GRAMD4: variants seen among roughly 807,000 people sequenced by gnomAD.
The protein encoded by GRAMD4 is GRAM domain-containing protein 4.
In GRAMD4, 25 loss-of-function variants were observed where a neutral mutation model predicts 83.9. The observed-to-expected ratio is 0.30, with a 90% confidence interval of 0.22 to 0.42. GRAMD4 has a LOEUF of 0.42. Among genes scored for constraint, GRAMD4 ranks in the 10% least tolerant of loss-of-function variants. The probability of loss-of-function intolerance (pLI) is 1.00; values close to 1 mark genes in which losing one functional copy is unlikely to be tolerated. For missense variants in GRAMD4, 593 were observed against 788.7 expected, an observed-to-expected ratio of 0.75 and a Z score of 2.97; for synonymous variants, 336 against 320.9, an observed-to-expected ratio of 1.05 and a Z score of -0.50.
rs2081557314 is a variant in GRAMD4 at position 46,620,469 on chromosome 22, TGGTTCCTG to T, written c.-142_-135del. The T allele has an allele frequency of 1.0e-6, 1 of 984,796 alleles. No individual in the cohort carries two copies. The highest frequency in any genetic ancestry group is 6.2e-5 in the Admixed American group (1 of 16,220). The allele number at this position is 984,796 out of a possible 1,614,324, so 61.0% of individuals were successfully genotyped here. On this transcript the variant is annotated 5_prime_UTR_variant, in exon 1 of 19. It removes the in-frame stop codon of an upstream open reading frame in the 5' UTR. Coordinates refer to ENST00000406902, the MANE Select transcript of GRAMD4 (RefSeq NM_015124.5). The surrounding 1 kb of genome is among the most constrained non-coding windows in gnomAD (Gnocchi z 4.7). ...CTGGTGTTGGGCGGCTTGGAGGCTATGGTTCCTGGGTCCTCGTAGCACATCCTGGTTCT... is the reference window on the plus strand; with the variant it reads ...CTGGTGTTGGGCGGCTTGGAGGCTATGGTCCTCGTAGCACATCCTGGTTCT...
At chr22:46,647,002 G>A (rs560428061) in intron 3 of GRAMD4, among the ~76,000 whole-genome samples, 1 of 152,298 alleles carries the variant, frequency 6.6e-6, no homozygotes, top group South Asian at 2.1e-4. Flanking sequence ...AACAGCACAG[G>A]AGAGACCTGC....
At chr22:46,625,741 C>G (rs541481985) in intron 1 of GRAMD4, among the ~76,000 whole-genome samples, 2 of 152,352 alleles carry the variant, frequency 1.3e-5, no homozygotes, top group South Asian at 4.1e-4. Flanking sequence ...TGGCCTCTCC[C>G]TGCCTGGCTG....
At chr22:46,579,650 G>A (rs1027935297) in intron 1 of GRAMD4, among the ~76,000 whole-genome samples, 6 of 152,150 alleles carry the variant, frequency 3.9e-5, no homozygotes, top group Non-Finnish European at 2.9e-5. Context: ...TGTGCCATCC[G>A]TGTGCCCCCT....
At position 46,626,978 on chromosome 22, in the gene GRAMD4, G is replaced by A. The variant is rs1425441667; in HGVS notation, c.162+17G>A. ...AGGGACCCTGTGAGTACCTGTCCTC[G>A]TCCCCCGGTGTGGGCTGGGGTGTCG... On this transcript the variant is annotated intron_variant, in intron 2 of 18. Transcript: ENST00000406902. The A allele has an allele frequency of 1.1e-5, 18 of 1,583,076 alleles. No individual in the cohort carries two copies. The highest frequency in any genetic ancestry group is 1.7e-5 in the Admixed American group (1 of 59,896).
intron 1 of GRAMD4, among the ~76,000 whole-genome samples, chr22:46,623,938 C>T (rs777661274): frequency 6.6e-6 from 1 of 151,926 alleles, no homozygotes; most frequent in Non-Finnish European, 1.5e-5. Context: ...CACATCACCT[C>T]GCCCAGCTAA....
At chr22:46,610,959 A>G (rs1027322781) in intron 1 of GRAMD4, among the ~76,000 whole-genome samples, 1 of 152,198 alleles carries the variant, frequency 6.6e-6, no homozygotes, top group African/African-American at 2.4e-5. Flanking sequence ...TCATGCCTGT[A>G]ATCCCAGCAC....
chr22:46,585,337 C>T (rs5767275), intron 1 of GRAMD4, among the ~76,000 whole-genome samples: 49,176 of 151,856 alleles, frequency 0.32, 10,344 homozygotes, highest in East Asian at 0.89. Flanking sequence ...ACTACAGGCA[C>T]GCACCACAAC....
chr22:46,628,478 T>C (rs887618110), intron 2 of GRAMD4, among the ~76,000 whole-genome samples: 1 of 85,066 alleles, frequency 1.2e-5, no homozygotes, highest in Admixed American at 1.3e-4. Flanking sequence ...GAGGGGCGGG[T>C]GGACTGAGTG....
chr22:46,611,703 G>A (rs2081418290), intron 1 of GRAMD4, among the ~76,000 whole-genome samples: 1 of 151,752 alleles, frequency 6.6e-6, no homozygotes, highest in Non-Finnish European at 1.5e-5. Flanking sequence ...TTAGAGACAG[G>A]GTCTCGGCTG....
At chr22:46,587,968 AG>A in intron 1 of GRAMD4, 1 of 984,592 alleles carries the variant, frequency 1.0e-6, no homozygotes, top group Non-Finnish European at 1.2e-6. Flanking sequence ...CTGAGGGTCC[AG>A]GGGGCCAGGG....
intron 1 of GRAMD4, among the ~76,000 whole-genome samples, chr22:46,613,093 C>T (rs1038581465): frequency 6.6e-6 from 1 of 152,242 alleles, no homozygotes; most frequent in African/African-American, 2.4e-5. Context: ...TGTGGTTATG[C>T]AGTGGTGATG....
chr22:46,643,867 A>T (rs888643012), intron 3 of GRAMD4, among the ~76,000 whole-genome samples: 1 of 152,090 alleles, frequency 6.6e-6, no homozygotes, highest in Non-Finnish European at 1.5e-5. Context: ...TTCTTTTTTT[A>T]AGTTAAATTT....
chr22:46,583,597 A>T (rs747233963), intron 1 of GRAMD4, among the ~76,000 whole-genome samples: 16 of 152,216 alleles, frequency 1.1e-4, no homozygotes, highest in Non-Finnish European at 2.4e-4. Context: ...ATCTCCATCC[A>T]TTGGAATTTG....
At chr22:46,579,220 GTC>G (rs547187191) in intron 1 of GRAMD4, among the ~76,000 whole-genome samples, 1 of 152,300 alleles carries the variant, frequency 6.6e-6, no homozygotes, top group African/African-American at 2.4e-5. Flanking sequence ...GAACCAGGTG[GTC>G]TCTCTCCAAA....
intron 1 of GRAMD4, among the ~76,000 whole-genome samples, chr22:46,614,404 G>A (rs750574040): frequency 2.0e-5 from 3 of 152,226 alleles, no homozygotes; most frequent in South Asian, 2.1e-4. Context: ...CGTTCATTAC[G>A]AATGGCGTAA....
At chr22:46,580,967 CAA>C (rs558020415) in intron 1 of GRAMD4, among the ~76,000 whole-genome samples, 8 of 86,918 alleles carry the variant, frequency 9.2e-5, no homozygotes, top group Admixed American at 1.3e-4. Context: ...AACTCCATCT[CAA>C]AAAAAAAAAA....
At chr22:46,614,948 C>CGTCTGGTTTCCCCCGT (rs2081459399) in intron 1 of GRAMD4, among the ~76,000 whole-genome samples, 1 of 130,076 alleles carries the variant, frequency 7.7e-6, no homozygotes, top group South Asian at 2.6e-4. Flanking sequence ...TTCCCCTGTG[C>CGTCTGGTTTCCCCCGT]ATGTAGGTTC....
chr22:46,628,610 G>A (rs941228841), intron 2 of GRAMD4, among the ~76,000 whole-genome samples: 14 of 151,298 alleles, frequency 9.3e-5, no homozygotes, highest in African/African-American at 3.2e-4. Context: ...TGTCTGAGGG[G>A]CGGGTGGACT....
chr22:46,600,145 T>C (rs1451103313), intron 1 of GRAMD4, among the ~76,000 whole-genome samples: 13 of 152,216 alleles, frequency 8.5e-5, no homozygotes, highest in Admixed American at 8.5e-4. Context: ...TAAAGGCTGG[T>C]GACACCTGTG....
Sources: gnomAD v4.1 joint callset for allele counts (sites outside exome capture counted in the v4.1 genomes callset) on GRCh38, gnomAD v4.1.1 for gene constraint, Gnocchi (gnomAD v3.1) non-coding constraint, MANE v1.5 for transcripts, NCBI Gene and HGNC (gene_info 2026-07-23, HGNC 2026-07-21) for gene names.